Variants in NELL1 observed in about 807,000 individuals in gnomAD.
NELL1 encodes protein kinase C-binding protein NELL1.
Under a neutral mutation model 107.4 loss-of-function variants are expected in NELL1, and 76 were observed. That is an observed-to-expected ratio of 0.71 (90% confidence interval 0.59 to 0.86). NELL1 has a LOEUF of 0.86. NELL1 is among the 40% of genes least tolerant of loss of function. The pLI is 0.00. For synonymous variants in NELL1, 353 were observed against 341.2 expected (o/e 1.03, Z -0.38); for missense variants, 1,024 against 1,005.5 (o/e 1.02, Z -0.25).
intron 14 of NELL1, among the ~76,000 whole-genome samples, chr11:21,308,903 C>A (rs1358139187): frequency 6.6e-6 from 1 of 151,250 alleles, no homozygotes; most frequent in Non-Finnish European, 1.5e-5. Flanking sequence ...GGAATTTTAT[C>A]AAAAGGAAAA....
chr11:20,766,165 C>T (rs1329061615), intron 2 of NELL1, among the ~76,000 whole-genome samples: 3 of 152,284 alleles, frequency 2.0e-5, no homozygotes, highest in South Asian at 2.1e-4. Context: ...GGATTGATGT[C>T]GAGAATGACC....
intron 14 of NELL1, among the ~76,000 whole-genome samples, chr11:21,320,087 A>T (rs1337160374): frequency 6.6e-6 from 1 of 152,094 alleles, no homozygotes; most frequent in Non-Finnish European, 1.5e-5. Flanking sequence ...ACATCACTCC[A>T]GCTACTTCTA....
chr11:20,794,920 A>C (rs1454340844), intron 3 of NELL1, among the ~76,000 whole-genome samples: 3 of 152,208 alleles, frequency 2.0e-5, no homozygotes, highest in Non-Finnish European at 4.4e-5. Context: ...CACCTTCCCT[A>C]ATCATCATGA....
intron 15 of NELL1, among the ~76,000 whole-genome samples, chr11:21,453,814 T>G (rs988873646): frequency 4.6e-5 from 7 of 151,898 alleles, no homozygotes; most frequent in African/African-American, 7.2e-5. Flanking sequence ...TTCCCTTTTT[T>G]TTTTTTTTAG....
intron 15 of NELL1, among the ~76,000 whole-genome samples, chr11:21,384,984 C>T (rs1851706395): frequency 6.6e-6 from 1 of 151,812 alleles, no homozygotes; most frequent in African/African-American, 2.4e-5. Context: ...TCATATTTTC[C>T]TTACTGCTTT....
chr11:20,838,599 C>T (rs1848572187), intron 3 of NELL1, among the ~76,000 whole-genome samples: 1 of 151,872 alleles, frequency 6.6e-6, no homozygotes, highest in Non-Finnish European at 1.5e-5. Context: ...ACTGAGAAGA[C>T]TGGGTACAGG....
intron 14 of NELL1, among the ~76,000 whole-genome samples, chr11:21,269,835 C>T (rs545246008): frequency 6.6e-6 from 1 of 152,154 alleles, no homozygotes; most frequent in South Asian, 2.1e-4. Context: ...TGTTCAAAAT[C>T]ATAGCAACAA....
intron 14 of NELL1, among the ~76,000 whole-genome samples, chr11:21,291,914 A>T (rs1590810413): frequency 6.6e-6 from 1 of 152,230 alleles, no homozygotes; most frequent in Non-Finnish European, 1.5e-5. Flanking sequence ...CTAGGTATTG[A>T]TGGAACGTGT....
chr11:20,973,018 C>T (rs1851531102), intron 12 of NELL1, among the ~76,000 whole-genome samples: 1 of 151,618 alleles, frequency 6.6e-6, no homozygotes, highest in Non-Finnish European at 1.5e-5. Flanking sequence ...ACTCTAATGG[C>T]TGACTTTGAG....
intron 12 of NELL1, among the ~76,000 whole-genome samples, chr11:21,096,371 C>T (rs898710639): frequency 1.3e-5 from 2 of 152,322 alleles, no homozygotes; most frequent in Admixed American, 6.5e-5. Context: ...TTTGGGGATA[C>T]AGCTCTCCTA....
chr11:21,232,161 T>A (rs28447542), intron 14 of NELL1, among the ~76,000 whole-genome samples: 49,079 of 89,956 alleles, frequency 0.55, 11,275 homozygotes, highest in Middle Eastern at 0.59. Context: ...AAAAAAAAAA[T>A]ATATATATAT....
At chr11:21,550,242 C>T (rs568320796) in intron 16 of NELL1, among the ~76,000 whole-genome samples, 1 of 151,968 alleles carries the variant, frequency 6.6e-6, no homozygotes, top group Admixed American at 6.6e-5. Flanking sequence ...GGATATTAGC[C>T]CTTTGTCAGA....
intron 5 of NELL1, among the ~76,000 whole-genome samples, chr11:20,916,912 G>A (rs1223591180): frequency 6.6e-6 from 1 of 151,872 alleles, no homozygotes. Flanking sequence ...ATAGAAGGTG[G>A]CTAACTTATT....
intron 2 of NELL1, among the ~76,000 whole-genome samples, chr11:20,777,821 A>T (rs527687602): frequency 6.6e-6 from 1 of 151,712 alleles, no homozygotes; most frequent in South Asian, 2.1e-4. Context: ...GCCTTGGTGC[A>T]TTTTTTGTTT....
intron 14 of NELL1, among the ~76,000 whole-genome samples, chr11:21,315,099 C>T (rs748449535): frequency 2.6e-5 from 4 of 152,104 alleles, no homozygotes; most frequent in South Asian, 2.1e-4. Context: ...TCAGGTGATC[C>T]GTCTGCCTTG....
chr11:21,011,098 C>T (rs1170723352), intron 12 of NELL1, among the ~76,000 whole-genome samples: 1 of 152,064 alleles, frequency 6.6e-6, no homozygotes, highest in Non-Finnish European at 1.5e-5. Flanking sequence ...TAATCTCACA[C>T]ATTGTATGTG....
At chr11:21,517,323 CAAAT>C (rs1477891094) in intron 15 of NELL1, among the ~76,000 whole-genome samples, 1 of 152,096 alleles carries the variant, frequency 6.6e-6, no homozygotes, top group African/African-American at 2.4e-5. Flanking sequence ...CATTTTCAAA[CAAAT>C]AAATAAAACC....
At chr11:21,556,331 A>G (rs566342935) in intron 16 of NELL1, among the ~76,000 whole-genome samples, 128 of 152,064 alleles carry the variant, frequency 8.4e-4, no homozygotes, top group African/African-American at 2.9e-3. Context: ...GTTATTCAAG[A>G]AAGAGGAATA....
At chr11:21,208,883 G>T (rs1221856178) in intron 13 of NELL1, among the ~76,000 whole-genome samples, 12 of 152,164 alleles carry the variant, frequency 7.9e-5, no homozygotes, top group Admixed American at 7.9e-4. Context: ...TATACCCAAA[G>T]ACTCAGATCT....
Sources: allele counts gnomAD v4.1 joint callset (sites outside exome capture counted in the v4.1 genomes callset), GRCh38; gene constraint gnomAD v4.1.1; transcripts MANE v1.5; gene names NCBI Gene and HGNC (gene_info 2026-07-23, HGNC 2026-07-21).